The following KCNK1 variants were observed in gnomAD, a reference collection of about 807,000 sequenced individuals.
KCNK1 encodes potassium two pore domain channel subfamily K member 1.
Under a neutral mutation model 22.2 loss-of-function variants are expected in KCNK1, and 10 were observed. The observed-to-expected ratio is 0.45, with a 90% CI of 0.28 to 0.76. The LOEUF is 0.76. Ranked by LOEUF, KCNK1 falls within the 30% of genes least tolerant of loss-of-function variation. KCNK1 has a pLI of 0.14. For synonymous variants in KCNK1, 200 were observed against 186.4 expected (o/e 1.07, Z -0.60); for missense variants, 378 against 421.0 (o/e 0.90, Z 0.89).
intron 1 of KCNK1, among the ~76,000 whole-genome samples, chr1:233,648,239 G>T (rs982868000): frequency 6.6e-6 from 1 of 152,158 alleles, no homozygotes; most frequent in Admixed American, 6.5e-5. Flanking sequence ...ACTTCCTACT[G>T]AGGTTGTCCA....
chr1:233,648,367 A>C (rs936849799), intron 1 of KCNK1, among the ~76,000 whole-genome samples: 4 of 152,226 alleles, frequency 2.6e-5, no homozygotes, highest in African/African-American at 9.6e-5. Context: ...TACACAGTGC[A>C]TACACAAGCC....
At chr1:233,625,430 G>C (rs1044808466) in intron 1 of KCNK1, among the ~76,000 whole-genome samples, 1 of 152,110 alleles carries the variant, frequency 6.6e-6, no homozygotes, top group Non-Finnish European at 1.5e-5. Context: ...ATGGGGTTCT[G>C]GTCTCTAGGA....
At position 233,626,700 on chromosome 1, in the gene KCNK1, C is replaced by T. The variant is rs79999305; in HGVS notation, c.355+12174C>T. ...ATTTAATGAATACATTTAACAACAG[C>T]GTTAAATACTTCCAGGCTAAGAAAG... On this transcript the variant is annotated intron_variant, in intron 1 of 2. Transcript: ENST00000366621. 1.3e-4 allele frequency among the ~76,000 whole-genome samples: 20 copies of T among 152,178 alleles called. No homozygotes were observed. In the East Asian group the frequency reaches 3.5e-3, roughly 26 times the overall value.
intron 1 of KCNK1, among the ~76,000 whole-genome samples, chr1:233,626,446 C>A (rs990821364): frequency 6.6e-6 from 1 of 151,990 alleles, no homozygotes; most frequent in Non-Finnish European, 1.5e-5. Flanking sequence ...CCTAATGGGG[C>A]GTGATGAGGG....
chr1:233,629,235 TGGTAATTG>T (rs1260158277), intron 1 of KCNK1, among the ~76,000 whole-genome samples: 1 of 152,078 alleles, frequency 6.6e-6, no homozygotes, highest in Non-Finnish European at 1.5e-5. Context: ...TGGGACCCCA[TGGTAATTG>T]GGTAATTGGG....
chr1:233,651,296 T>C (rs1347819494), intron 1 of KCNK1, among the ~76,000 whole-genome samples: 1 of 152,214 alleles, frequency 6.6e-6, no homozygotes, highest in Non-Finnish European at 1.5e-5. Flanking sequence ...AACCTCATTC[T>C]AAAAGTGCAT....
chr1:233,615,048 C>T (rs1460002571), intron 1 of KCNK1, among the ~76,000 whole-genome samples: 1 of 152,216 alleles, frequency 6.6e-6, no homozygotes, highest in African/African-American at 2.4e-5. Context: ...CGGAGTGTGC[C>T]GTCCCTTTGG....
intron 1 of KCNK1, among the ~76,000 whole-genome samples, chr1:233,645,441 A>C (rs1658076146): frequency 6.6e-6 from 1 of 152,156 alleles, no homozygotes; most frequent in African/African-American, 2.4e-5. Context: ...TAAAAGACAG[A>C]AAAGGGGAAG....
In KCNK1 at chr1:233,624,378, C is replaced by T. The variant is rs183922741; in HGVS notation, c.355+9852C>T. ...GTCCCAGACACCTCCTCCATTTCTT[C>T]CCGCTCTTTCTCCACAGCACTTAGC... On this transcript the variant is annotated intron_variant, in intron 1 of 2. Transcript: ENST00000366621. Among the ~76,000 whole-genome samples the T allele has an allele frequency of 1.5e-4, 23 of 152,230 alleles. 1 individual carries two copies. The East Asian group carries it at 4.3e-3, about 28-fold the overall frequency.
chr1:233,669,969 T>A (rs1658568321), intron 2 of KCNK1, among the ~76,000 whole-genome samples: 1 of 152,206 alleles, frequency 6.6e-6, no homozygotes, highest in Non-Finnish European at 1.5e-5. Context: ...GGTTAATTAG[T>A]TTCCTTATTC....
intron 1 of KCNK1, among the ~76,000 whole-genome samples, chr1:233,620,882 T>A (rs1657575084): frequency 6.6e-6 from 1 of 152,212 alleles, no homozygotes; most frequent in Admixed American, 6.5e-5. Context: ...ATTGAACCCT[T>A]TATATGTGCC....
At chr1:233,615,826 C>T (rs1173617194) in intron 1 of KCNK1, among the ~76,000 whole-genome samples, 2 of 150,744 alleles carry the variant, frequency 1.3e-5, no homozygotes, top group African/African-American at 4.9e-5. Flanking sequence ...AGTAATAATA[C>T]ACTATTCATG....
intron 1 of KCNK1, among the ~76,000 whole-genome samples, chr1:233,623,400 A>T (rs190818326): frequency 9.3e-4 from 142 of 152,334 alleles, no homozygotes; most frequent in African/African-American, 3.2e-3. Flanking sequence ...TAACAGTAAT[A>T]TATAGTTTCA....
intron 1 of KCNK1, among the ~76,000 whole-genome samples, chr1:233,615,595 C>T (rs539222962): frequency 6.6e-6 from 1 of 152,298 alleles, no homozygotes; most frequent in East Asian, 1.9e-4. Flanking sequence ...CAAGGTCACA[C>T]ACTTCCTAGT....
At chr1:233,651,003 A>G (rs572089026) in intron 1 of KCNK1, among the ~76,000 whole-genome samples, 1 of 152,284 alleles carries the variant, frequency 6.6e-6, no homozygotes, top group South Asian at 2.1e-4. Flanking sequence ...GCATCCCTTT[A>G]CATAATACGA....
intron 1 of KCNK1, among the ~76,000 whole-genome samples, chr1:233,626,508 A>T (rs1657692137): frequency 6.6e-6 from 1 of 152,096 alleles, no homozygotes; most frequent in Non-Finnish European, 1.5e-5. Context: ...GCATGCCGTG[A>T]TGTCATGTTG....
chr1:233,627,477 A>C (rs1657710832), intron 1 of KCNK1, among the ~76,000 whole-genome samples: 1 of 142,330 alleles, frequency 7.0e-6, no homozygotes, highest in African/African-American at 2.5e-5. Context: ...AGACTGACTC[A>C]GAAATTCTGA....
At chr1:233,648,563 C>T (rs533218556) in intron 1 of KCNK1, among the ~76,000 whole-genome samples, 1 of 146,478 alleles carries the variant, frequency 6.8e-6, no homozygotes, top group African/African-American at 2.5e-5. Flanking sequence ...TGCTTGCTTG[C>T]TTTTTTTTTT....
intron 1 of KCNK1, among the ~76,000 whole-genome samples, chr1:233,615,251 CT>C (rs1657468043): frequency 6.6e-6 from 1 of 152,232 alleles, no homozygotes; most frequent in African/African-American, 2.4e-5. Context: ...TTGGGGCACC[CT>C]GATTCAGCAG....
Sources: allele counts gnomAD v4.1 joint callset (sites outside exome capture counted in the v4.1 genomes callset), GRCh38; gene constraint gnomAD v4.1.1; transcripts MANE v1.5; gene names NCBI Gene and HGNC (gene_info 2026-07-23, HGNC 2026-07-21).